Variants in FBXL2 observed in about 807,000 individuals in gnomAD.
The protein encoded by FBXL2 is F-box/LRR-repeat protein 2.
A neutral mutation model predicts 69.2 loss-of-function variants in FBXL2; 38 were observed. The observed-to-expected ratio is 0.55, with a 90% CI of 0.42 to 0.72. The LOEUF (loss-of-function observed/expected upper bound fraction) is 0.72. Among genes scored for constraint, FBXL2 ranks in the 30% least tolerant of loss-of-function variants. The probability of loss-of-function intolerance (pLI) is 0.00; values close to 1 mark genes in which losing one functional copy is unlikely to be tolerated. For synonymous variants in FBXL2, 192 were observed against 201.3 expected, an observed-to-expected ratio of 0.95 and a Z score of 0.39; for missense variants, 354 against 520.3, an observed-to-expected ratio of 0.68 and a Z score of 3.11.
At chr3:33,364,772 G>C in intron 5 of FBXL2, 53 bp downstream of exon 5, 1 of 1,457,212 alleles carries the variant, frequency 6.9e-7, no homozygotes, top group Non-Finnish European at 9.6e-7. Flanking sequence ...ATTTTCATCA[G>C]CAAAAATAAA....
At chr3:33,326,354 T>A (rs1272167018) in intron 2 of FBXL2, among the ~76,000 whole-genome samples, 1 of 151,652 alleles carries the variant, frequency 6.6e-6, no homozygotes. Flanking sequence ...CAAAAAAAAA[T>A]TAGCCAGGCG....
intron 5 of FBXL2, among the ~76,000 whole-genome samples, chr3:33,366,657 C>G (rs774815640): frequency 7.2e-5 from 11 of 152,082 alleles, no homozygotes; most frequent in Non-Finnish European, 1.3e-4. Flanking sequence ...GAGTGAGACT[C>G]TATCTCTGAA....
chr3:33,383,913 GCTTCCAGCTTTTTTTTAGGA>G, intron 13 of FBXL2, 56 bp from the exon 14 acceptor site: 2 of 1,451,856 alleles, frequency 1.4e-6, no homozygotes, highest in Non-Finnish European at 1.9e-6. Context: ...AAAAAGGCTA[GCTTCCAGCTTTTTTTTAGGA>G]CTTGAGCCTT....
intron 10 of FBXL2, 113 bp from the exon 11 acceptor site, chr3:33,377,160 G>T: frequency 9.7e-7 from 1 of 1,029,458 alleles, no homozygotes; most frequent in South Asian, 1.3e-5. Flanking sequence ...GCTGTTAACA[G>T]AGGCAAAAGC....
chr3:33,412,516 G>C, the FBXL2 span, among the ~76,000 whole-genome samples: 12 of 151,200 alleles, frequency 7.9e-5, no homozygotes, highest in Non-Finnish European at 1.3e-4. Context: ...ACGGGAGGTA[G>C]AGGTTGCAGT....
intron 13 of FBXL2, among the ~76,000 whole-genome samples, chr3:33,380,012 C>A (rs1339159753): frequency 2.0e-5 from 3 of 151,378 alleles, no homozygotes; most frequent in Admixed American, 6.6e-5. Flanking sequence ...GTGGGCAGAT[C>A]ACAAGGTCAG....
At chr3:33,384,942 C>T (rs1285982546) in intron 14 of FBXL2, among the ~76,000 whole-genome samples, 5 of 152,032 alleles carry the variant, frequency 3.3e-5, no homozygotes, top group Admixed American at 6.6e-5. Context: ...GCAGGAGAAT[C>T]GCTTGAACCC....
intron 2 of FBXL2, among the ~76,000 whole-genome samples, chr3:33,309,912 G>A (rs535368608): frequency 7.4e-4 from 113 of 152,114 alleles, no homozygotes; most frequent in Non-Finnish European, 1.3e-3. Flanking sequence ...TGTAATCCCA[G>A]CACTTTGGGA....
At chr3:33,381,715 A>C (rs1369534755) in intron 13 of FBXL2, among the ~76,000 whole-genome samples, 1 of 152,122 alleles carries the variant, frequency 6.6e-6, no homozygotes, top group African/African-American at 2.4e-5. Context: ...ATTTTATTGT[A>C]AGTAATCAAA....
chr3:33,368,104 C>T (rs1216629308), intron 5 of FBXL2, among the ~76,000 whole-genome samples: 1 of 152,116 alleles, frequency 6.6e-6, no homozygotes, highest in Non-Finnish European at 1.5e-5. Flanking sequence ...TTTATTGAGA[C>T]TTGTTTTGTG....
intron 10 of FBXL2, 113 bp from the exon 11 acceptor site, chr3:33,377,158 CAG>C: frequency 3.0e-6 from 3 of 1,014,394 alleles, no homozygotes; most frequent in South Asian, 2.7e-5. Flanking sequence ...GGGCTGTTAA[CAG>C]AGGCAAAAGC....
At chr3:33,416,258 A>G in the FBXL2 span, among the ~76,000 whole-genome samples, 2 of 152,222 alleles carry the variant, frequency 1.3e-5, no homozygotes, top group Non-Finnish European at 2.9e-5. Flanking sequence ...GATACAGGCT[A>G]GGAGGGGCCA....
At chr3:33,383,561 T>G in intron 13 of FBXL2, 1 of 220,360 alleles carries the variant, frequency 4.5e-6, no homozygotes. Context: ...ACAAGGACAT[T>G]AGATGCATTG....
rs1282790232 is a variant in FBXL2, at chr3:33,314,684, G to A, written c.65+16959G>A. 4.6e-5 allele frequency among the ~76,000 whole-genome samples: 7 copies of A among 152,184 alleles called. No individual in the cohort carries two copies. In the East Asian group the frequency reaches 7.7e-4, roughly 17 times the overall value. ...TGGATAATATGGTTCACTAAGTTAT[G>A]CAAATATTCCCCTTGTTAATACATT... On this transcript the variant is annotated intron_variant, in intron 2 of 14. Transcript: ENST00000484457.
At chr3:33,403,083 C>G (rs931265272) in intron 12 of FBXL2, among the ~76,000 whole-genome samples, 2 of 152,182 alleles carry the variant, frequency 1.3e-5, no homozygotes, top group African/African-American at 4.8e-5. Flanking sequence ...AAAGTTTTAC[C>G]TGCTGTGTGC....
downstream of FBXL2, among the ~76,000 whole-genome samples, chr3:33,404,336 T>G (rs1178800172): frequency 6.6e-6 from 1 of 151,942 alleles, no homozygotes; most frequent in Non-Finnish European, 1.5e-5. Context: ...CGCTTGAACC[T>G]GGGAGGCGGG....
intron 2 of FBXL2, among the ~76,000 whole-genome samples, chr3:33,351,962 TAAAA>T (rs56082631): frequency 1.8e-5 from 2 of 112,088 alleles, no homozygotes; most frequent in Non-Finnish European, 3.8e-5. Flanking sequence ...CCCCATCACT[TAAAA>T]AAAAAAAAAA....
At chr3:33,326,284 A>G (rs941166661) in intron 2 of FBXL2, among the ~76,000 whole-genome samples, 2 of 152,076 alleles carry the variant, frequency 1.3e-5, no homozygotes, top group Non-Finnish European at 2.9e-5. Flanking sequence ...GTGGATCACA[A>G]GGTCAGGAGA....
chr3:33,348,952 G>A (rs1344756783), intron 2 of FBXL2, among the ~76,000 whole-genome samples: 1 of 151,892 alleles, frequency 6.6e-6, no homozygotes, highest in African/African-American at 2.4e-5. Flanking sequence ...ACTGATTTTT[G>A]TATGTTGGCT....
Sources: gnomAD v4.1 joint callset for allele counts (sites outside exome capture counted in the v4.1 genomes callset) on GRCh38, gnomAD v4.1.1 for gene constraint, MANE v1.5 for transcripts, NCBI Gene and HGNC (gene_info 2026-07-23, HGNC 2026-07-21) for gene names.